ACTR1B: variants seen among roughly 807,000 people sequenced by gnomAD.
ACTR1B encodes beta-centractin.
ACTR1B carries 34 observed loss-of-function variants against 49.4 expected under a neutral mutation model. That is an observed-to-expected ratio of 0.69 (90% CI 0.52 to 0.92). The LOEUF is 0.92. ACTR1B is among the 40% of genes least tolerant of loss of function. ACTR1B has a pLI of 0.00. For synonymous variants in ACTR1B, 207 were observed against 207.8 expected (o/e 1.00, Z 0.03); for missense variants, 471 against 522.4 (o/e 0.90, Z 0.96).
At chr2:97,663,526 C>G (rs1675086377) in intron 1 of ACTR1B, among the ~76,000 whole-genome samples, 1 of 152,214 alleles carries the variant, frequency 6.6e-6, no homozygotes, top group Non-Finnish European at 1.5e-5. Flanking sequence ...AGGAACCGCA[C>G]TCTCAACTGA....
intron 3 of ACTR1B, among the ~76,000 whole-genome samples, chr2:97,660,204 G>A (rs1674975037): frequency 6.6e-6 from 1 of 152,232 alleles, no homozygotes; most frequent in South Asian, 2.1e-4. Context: ...GCTCTCCTGA[G>A]GGTCTGATCA....
chr2:97,663,546 G>A (rs1045915902), intron 1 of ACTR1B, among the ~76,000 whole-genome samples: 1 of 152,160 alleles, frequency 6.6e-6, no homozygotes, highest in African/African-American at 2.4e-5. Flanking sequence ...AGAAGAGTCC[G>A]GGGCGCGTCC....
rs1674958025 is a variant in ACTR1B at position 97,659,570 on chromosome 2, GA to G, written c.190-94del. On this transcript the variant is annotated intron_variant, in intron 3 of 10. Coordinates refer to ENST00000289228, the MANE Select transcript of ACTR1B (RefSeq NM_005735.4). The surrounding 1 kb of genome is among the most constrained non-coding windows in gnomAD (Gnocchi z 4.0). ...AGCTGACCCTCACCTGCCCTGACCA[GA>G]ACCTCACCTGCCCTGACCAGAACCA... 1.5e-4 allele frequency: 49 copies of G among 336,642 alleles called. No individual in the cohort carries two copies. The highest frequency in any genetic ancestry group is 3.0e-4 in the Non-Finnish European group (47 of 157,306). The allele number at this position is 336,642 out of a possible 1,614,324, so 20.9% of individuals were successfully genotyped here.
chr2:97,659,632 GTCCTGAAC>G lies in ACTR1B; in HGVS notation c.190-163_190-156del. The G allele has an allele frequency of 3.5e-6, 4 of 1,159,212 alleles. No homozygotes were observed. The South Asian group carries it at 6.0e-5, about 17-fold the overall frequency. 71.8% of individuals were successfully genotyped at this position (1,159,212 alleles called of 1,614,324 possible). A position where few individuals can be genotyped will look rare whatever the true frequency, so the allele number is the denominator to read the frequency against. Reference sequence around the variant, plus strand: ...CTGGGTGTCCCAGGGTCTGTGGCGGGTCCTGAACTCAGCATGGGCTCACCTGCCCACCA... The same window carrying G: ...CTGGGTGTCCCAGGGTCTGTGGCGGGTCAGCATGGGCTCACCTGCCCACCA... On this transcript the variant is annotated intron_variant, in intron 3 of 10. Transcript: ENST00000289228. The surrounding 1 kb of genome is among the most constrained non-coding windows in gnomAD (Gnocchi z 4.0).
chr2:97,657,867 G>A lies in ACTR1B; in HGVS notation c.925+76C>T. The A allele has an allele frequency of 2.6e-6, 4 of 1,526,262 alleles. No homozygotes were observed. The Middle Eastern group carries it at 5.2e-4, about 200-fold the overall frequency. The allele number at this position is 1,526,262 out of a possible 1,614,324, so 94.5% of individuals were successfully genotyped here. On this transcript the variant is annotated intron_variant, in intron 8 of 10. Coordinates refer to ENST00000289228, the MANE Select transcript of ACTR1B (RefSeq NM_005735.4). ...CAAAAAGCCAACAGAATATGGCTCT[G>A]GGTAGGGGTATACTCTCTGAGGGTC...
Position 97,658,538 on chromosome 2 carries a change from C to T in ACTR1B, c.546G>A (p.Arg182=), listed in dbSNP as rs1393283137. 2.5e-6 allele frequency: 4 copies of T among 1,614,098 alleles called. No individual in the cohort carries two copies. The highest frequency in any genetic ancestry group is 3.4e-6 in the Non-Finnish European group (4 of 1,180,010). The change falls in exon 6 of 11, where the codon CGG becomes CGA. Residue 182 remains arginine, a synonymous_variant. Coordinates refer to ENST00000289228, the MANE Select transcript of ACTR1B (RefSeq NM_005735.4). The surrounding 1 kb of genome is among the most constrained non-coding windows in gnomAD (Gnocchi z 5.9). ...AGACGTCGCGGCCGGCAATGTCCACCCGCATGATGGAGTGAGGCATGGCAA... is the reference window on the plus strand; with the variant it reads ...AGACGTCGCGGCCGGCAATGTCCACTCGCATGATGGAGTGAGGCATGGCAA... ...EGFAMPHSIM[R]VDIAGRDVSR... is the part of the protein sequence containing the mutation.
At chr2:97,663,804 G>A in intron 1 of ACTR1B, 39 bp downstream of exon 1, 1 of 1,332,186 alleles carries the variant, frequency 7.5e-7, no homozygotes, top group South Asian at 1.6e-5. Context: ...CGCCCCCGGG[G>A]GCGGGGCGCC....
At position 97,664,026 on chromosome 2, in the gene ACTR1B, G is replaced by A. The variant is rs1675114918; in HGVS notation, c.-136C>T. On this transcript the variant is annotated 5_prime_UTR_variant, in exon 1 of 11. Transcript: ENST00000289228. ...CCCTCCCCGAGCCTGCAGCCTACGC[G>A]AGCCCCGCGGGGCTTTCTGGAGGGC... 2 of 405,692 alleles carry A rather than the reference G, an allele frequency of 4.9e-6. No individual in the cohort carries two copies. Among genetic ancestry groups the A allele is most frequent in the Non-Finnish European group, 7.9e-6 (2 of 252,724 alleles). The allele number at this position is 405,692 out of a possible 1,614,324, so 25.1% of individuals were successfully genotyped here. A position where few individuals can be genotyped will look rare whatever the true frequency, so the allele number is the denominator to read the frequency against.
intron 3 of ACTR1B, 84 bp downstream of exon 3, chr2:97,660,487 C>T (rs1235927416): frequency 7.1e-7 from 1 of 1,406,328 alleles, no homozygotes; most frequent in African/African-American, 1.4e-5. Flanking sequence ...CCCGGGAGGT[C>T]ACCAGCAGAG....
rs1041225479 is a variant in ACTR1B at position 97,659,391 on chromosome 2, G to A, written c.276C>T (p.Tyr92=). The A allele has an allele frequency of 1.6e-5, 26 of 1,613,888 alleles. No individual in the cohort carries two copies. Among genetic ancestry groups the A allele is most frequent in the African/African-American group, 5.3e-5 (4 of 74,894 alleles). ...DWNDMERIWQ[Y]VYSKDQLQTF... is the part of the protein sequence containing the mutation. ...TCTGCAGCTGATCCTTGGAGTAGAC[G>A]TACTGCCAGATGCGTTCCATGTCGT... Residue 92 remains tyrosine, a synonymous_variant, in exon 4 of 11, where the codon TAC becomes TAT. Coordinates refer to ENST00000289228, the MANE Select transcript of ACTR1B (RefSeq NM_005735.4). This position sits in a 1 kb window ranked among gnomAD's most constrained non-coding sequence, Gnocchi z 4.0.
chr2:97,658,709 G>A lies in ACTR1B; in HGVS notation c.441-66C>T. Reference sequence around the variant, plus strand: ...CACGGGGACCTCCTCACCCAGGGGAGGAACCCTGGCACATCTGCATTATCT... The same window carrying A: ...CACGGGGACCTCCTCACCCAGGGGAAGAACCCTGGCACATCTGCATTATCT... On this transcript the variant is annotated intron_variant, in intron 5 of 10. Coordinates refer to ENST00000289228, the MANE Select transcript of ACTR1B (RefSeq NM_005735.4). This position sits in a 1 kb window ranked among gnomAD's most constrained non-coding sequence, Gnocchi z 5.9. 1 of 1,591,812 alleles carries A rather than the reference G, an allele frequency of 6.3e-7. No homozygotes were observed. Among genetic ancestry groups the A allele is most frequent in the Non-Finnish European group, 8.6e-7 (1 of 1,162,234 alleles).
At position 97,657,982 on chromosome 2, in the gene ACTR1B, C is replaced by T. The variant is rs138142670; in HGVS notation, c.886G>A (p.Ala296Thr). 107 of 1,614,184 alleles carry T rather than the reference C, an allele frequency of 6.6e-5. No homozygotes were observed. In the African/African-American group the frequency reaches 1.1e-3, roughly 17 times the overall value. The change falls in exon 8 of 11, where the codon GCC becomes ACC. Residue 296 changes from alanine to threonine, a missense_variant. By Grantham distance (58) the Ala-to-Thr change is moderately conservative (BLOSUM62 0). Coordinates refer to ENST00000289228, the MANE Select transcript of ACTR1B (RefSeq NM_005735.4). ...GAGCCACCTGAGAGCACGATGTTGG[C>T]GAACAGCGTCCGGCGCAGGTCCATG... ...SDMDLRRTLF[A>T]NIVLSGGSTL...
rs759450084 is a variant in ACTR1B at position 97,660,563 on chromosome 2, G to A, written c.189+8C>T. 92 of 1,613,614 alleles carry A rather than the reference G, an allele frequency of 5.7e-5. No individual in the cohort carries two copies. The highest frequency in any genetic ancestry group is 1.1e-4 in the East Asian group (5 of 44,898). On this transcript the variant is annotated splice_region_variant and intron_variant, in intron 3 of 10. Transcript: ENST00000289228. ...ACCCCCAGGGAAAGGCAGGCTCCTC[G>A]GTGTTACCTCTGCTTTTGGTCCGAT...
intron 2 of ACTR1B, 111 bp from the exon 3 acceptor site, chr2:97,660,757 C>T (rs1674991349): frequency 9.5e-7 from 1 of 1,055,496 alleles, no homozygotes; most frequent in Admixed American, 1.8e-5. Flanking sequence ...CCTCCAAACA[C>T]CAGGATGTGG....
chr2:97,660,738 G>T, intron 2 of ACTR1B, 92 bp from the exon 3 acceptor site: 2 of 1,294,144 alleles, frequency 1.5e-6, no homozygotes, highest in Non-Finnish European at 1.1e-6. Context: ...TCGCCCAGAG[G>T]GTACCTGGCC....
At chr2:97,662,828 G>A (rs575161512) in intron 1 of ACTR1B, among the ~76,000 whole-genome samples, 3 of 152,320 alleles carry the variant, frequency 2.0e-5, no homozygotes, top group Admixed American at 1.3e-4. Context: ...AAAGGAAGTA[G>A]CCTGCTCCTT....
Position 97,659,564 on chromosome 2 carries a change from TG to T in ACTR1B, c.190-88del. ...CCTGGAAGCTGACCCTCACCTGCCC[TG>T]ACCAGAACCTCACCTGCCCTGACCA... is the stretch of plus-strand genomic sequence containing the variant. On this transcript the variant is annotated intron_variant, in intron 3 of 10. Transcript: ENST00000289228. This position sits in a 1 kb window ranked among gnomAD's most constrained non-coding sequence, Gnocchi z 4.0. 1 of 328,526 alleles carries T rather than the reference TG, an allele frequency of 3.0e-6. No individual in the cohort carries two copies. Among genetic ancestry groups the T allele is most frequent in the South Asian group, 1.8e-5 (1 of 54,334 alleles). 20.4% of individuals were successfully genotyped at this position (328,526 alleles called of 1,614,324 possible).
chr2:97,656,309 G>A lies in ACTR1B; in HGVS notation c.*549C>T. 6.3e-6 allele frequency: 1 copy of A among 159,594 alleles called. No individual in the cohort carries two copies. The highest frequency in any genetic ancestry group is 1.4e-5 in the Non-Finnish European group (1 of 72,426). 9.9% of individuals were successfully genotyped at this position (159,594 alleles called of 1,614,324 possible). On this transcript the variant is annotated 3_prime_UTR_variant, in exon 11 of 11. Transcript: ENST00000289228. ...GCTCTGAAGGGCCTGACCCTGGGCT[G>A]CACCCCCTTGCTGGGGATGGAAGAC...
At chr2:97,660,503 A>G (rs7568232) in intron 3 of ACTR1B, 68 bp downstream of exon 3, 3 of 1,527,804 alleles carry the variant, frequency 2.0e-6, no homozygotes, top group Middle Eastern at 1.9e-4. Context: ...CAGAGGCCCA[A>G]GAACACATGC....
Sources: allele counts gnomAD v4.1 joint callset (sites outside exome capture counted in the v4.1 genomes callset), GRCh38; gene constraint gnomAD v4.1.1; non-coding constraint Gnocchi (gnomAD v3.1); transcripts MANE v1.5; gene names NCBI Gene and HGNC (gene_info 2026-07-23, HGNC 2026-07-21).